ABCB4: variants seen among roughly 807,000 people sequenced by gnomAD.
The protein encoded by ABCB4 is ATP binding cassette subfamily B member 4.
ABCB4 carries 76 observed loss-of-function variants against 145.7 expected under a neutral mutation model. That is an observed-to-expected ratio of 0.52 (90% CI 0.43 to 0.63). The LOEUF (loss-of-function observed/expected upper bound fraction) is 0.63, where lower values mean the gene tolerates loss of function less well. Ranked by LOEUF, ABCB4 falls within the 30% of genes least tolerant of loss-of-function variation. The pLI, the probability that ABCB4 is intolerant of heterozygous loss-of-function variation, is 0.00. For synonymous variants in ABCB4, 517 were observed against 566.8 expected (o/e 0.91, Z 1.25); for missense variants, 1,234 against 1,553.1 (o/e 0.79, Z 3.45).
intron 14 of ABCB4, among the ~76,000 whole-genome samples, chr7:87,436,840 C>G (rs1268614463): frequency 6.6e-6 from 1 of 152,054 alleles, no homozygotes; most frequent in East Asian, 1.9e-4. Context: ...TTATCCTGTC[C>G]CTGCACCGCC....
the ABCB4 span, among the ~76,000 whole-genome samples, chr7:87,374,468 A>G: frequency 6.6e-6 from 1 of 152,054 alleles, no homozygotes; most frequent in Non-Finnish European, 1.5e-5. Context: ...AGGTAGCAAC[A>G]AGTACCATAT....
intron 26 of ABCB4, among the ~76,000 whole-genome samples, chr7:87,405,369 T>C (rs574947591): frequency 2.6e-5 from 4 of 151,742 alleles, no homozygotes; most frequent in African/African-American, 9.7e-5. Context: ...AAGGGATATA[T>C]GCATGGCTCT....
chr7:87,412,971 A>G (rs1808727371), intron 22 of ABCB4, among the ~76,000 whole-genome samples: 1 of 152,254 alleles, frequency 6.6e-6, no homozygotes, highest in Non-Finnish European at 1.5e-5. Flanking sequence ...GAGACTTTCA[A>G]AGATATCTGT....
downstream of ABCB4, chr7:87,398,484 G>A: frequency 6.2e-7 from 1 of 1,609,982 alleles, no homozygotes; most frequent in Non-Finnish European, 8.5e-7. Context: ...ACTATTTGGA[G>A]CCTTTTGTGT....
rs1261090201 is a variant in ABCB4, at chr7:87,401,770, AT to A, written c.*325del. On this transcript the variant is annotated 3_prime_UTR_variant, in exon 28 of 28. Coordinates refer to ENST00000649586, the MANE Select transcript of ABCB4 (RefSeq NM_000443.4). ...CCAAACTTTCCTGTCTACCCAACCC[AT>A]TCAGGACCATAAGACCATTTCCCTA... is the stretch of plus-strand genomic sequence containing the variant. The A allele has an allele frequency of 6.6e-5, 27 of 410,346 alleles. No individual in the cohort carries two copies. Among genetic ancestry groups the A allele is most frequent in the Non-Finnish European group, 1.0e-4 (22 of 218,604 alleles). 25.4% of individuals were successfully genotyped at this position (410,346 alleles called of 1,614,324 possible).
At chr7:87,369,920 T>C in the ABCB4 span, among the ~76,000 whole-genome samples, 1 of 150,364 alleles carries the variant, frequency 6.7e-6, no homozygotes, top group South Asian at 2.1e-4. Context: ...TTTCAAAATG[T>C]ATAGGGGATT....
At chr7:87,475,347 G>C in intron 2 of ABCB4, 39 bp downstream of exon 2, 1 of 1,609,438 alleles carries the variant, frequency 6.2e-7, no homozygotes, top group Non-Finnish European at 8.5e-7. Flanking sequence ...CCTGCTGATT[G>C]GCGTGTAACG....
intron 8 of ABCB4, 104 bp from the exon 9 acceptor site, chr7:87,447,309 G>T: frequency 8.6e-7 from 1 of 1,167,738 alleles, no homozygotes; most frequent in Non-Finnish European, 1.2e-6. Flanking sequence ...AACAAAGTCA[G>T]TCAAGGTAAT....
At chr7:87,409,009 T>C (rs1416251217) in intron 24 of ABCB4, among the ~76,000 whole-genome samples, 2 of 152,058 alleles carry the variant, frequency 1.3e-5, no homozygotes, top group South Asian at 2.1e-4. Context: ...TATCTGGTTT[T>C]CCCTTTTTTT....
chr7:87,454,666 T>A, intron 4 of ABCB4, 74 bp from the exon 5 acceptor site: 1 of 1,109,290 alleles, frequency 9.0e-7, no homozygotes, highest in Non-Finnish European at 1.3e-6. Context: ...TTTAAAAATC[T>A]GTTAATAATT....
the ABCB4 span, chr7:87,393,017 T>C: frequency 6.2e-7 from 1 of 1,613,508 alleles, no homozygotes; most frequent in Non-Finnish European, 8.5e-7. Flanking sequence ...GAGTGGTAGT[T>C]CCCATGGTAC....
intron 4 of ABCB4, among the ~76,000 whole-genome samples, chr7:87,458,404 T>A (rs969261444): frequency 6.6e-6 from 1 of 152,218 alleles, no homozygotes; most frequent in Non-Finnish European, 1.5e-5. Flanking sequence ...TGTCAGACCC[T>A]CTTGTAATAT....
At chr7:87,466,734 G>T (rs1812932642) in intron 3 of ABCB4, among the ~76,000 whole-genome samples, 1 of 152,080 alleles carries the variant, frequency 6.6e-6, no homozygotes, top group Admixed American at 6.5e-5. Context: ...AAGAGAGAGG[G>T]GGCCAATATT....
Position 87,443,352 on chromosome 7 carries a change from C to T in ABCB4, c.1323G>A (p.Leu441=). The T allele has an allele frequency of 6.2e-7, 1 of 1,614,108 alleles. No individual in the cohort carries two copies. Among genetic ancestry groups the T allele is most frequent in the Non-Finnish European group, 8.5e-7 (1 of 1,179,992 alleles). ...SGCGKSTTVQ[L]IQRLYDPDEG... ...CATCAGGGTCATAGAGCCTCTGTAT[C>T]AGCTGGACCGTTGTGCTCTTCCCAC... is the stretch of plus-strand genomic sequence containing the variant. The change falls in exon 12 of 28, where the codon CTG becomes CTA. Residue 441 remains leucine (L), a synonymous_variant. Coordinates refer to ENST00000649586, the MANE Select transcript of ABCB4 (RefSeq NM_000443.4).
At chr7:87,455,167 G>A (rs759645389) in intron 4 of ABCB4, among the ~76,000 whole-genome samples, 1 of 152,168 alleles carries the variant, frequency 6.6e-6, no homozygotes, top group Non-Finnish European at 1.5e-5. Context: ...GTTGCTCAAA[G>A]GCATGTCAGT....
intron 9 of ABCB4, among the ~76,000 whole-genome samples, chr7:87,445,818 T>C (rs1445770530): frequency 6.6e-6 from 1 of 152,110 alleles, no homozygotes; most frequent in Non-Finnish European, 1.5e-5. Context: ...ATAGTTGCCA[T>C]AAGGTTAATG....
At chr7:87,452,717 A>C in intron 6 of ABCB4, 1 of 590,682 alleles carries the variant, frequency 1.7e-6, no homozygotes, top group East Asian at 2.9e-5. Flanking sequence ...AAACAGGTAT[A>C]AGATGTGAAT....
At chr7:87,412,124 G>A (rs1808667736) in intron 22 of ABCB4, 91 bp from the exon 23 acceptor site, 2 of 1,419,824 alleles carry the variant, frequency 1.4e-6, no homozygotes, top group South Asian at 2.3e-5. Context: ...GTCTGGCCGA[G>A]TGGGTTTAAG....
At chr7:87,382,522 C>T in the ABCB4 span, 3 of 1,613,788 alleles carry the variant, frequency 1.9e-6, no homozygotes, top group Non-Finnish European at 2.5e-6. Flanking sequence ...CTTCAGCTGG[C>T]CTATTACAGA....
Sources: gnomAD v4.1 joint callset for allele counts (sites outside exome capture counted in the v4.1 genomes callset) on GRCh38, gnomAD v4.1.1 for gene constraint, MANE v1.5 for transcripts, NCBI Gene and HGNC (gene_info 2026-07-23, HGNC 2026-07-21) for gene names.